The following ETFA variants were observed in gnomAD, a reference collection of about 807,000 sequenced individuals.
ETFA encodes the protein electron transfer flavoprotein subunit alpha, mitochondrial.
A neutral mutation model predicts 46.2 loss-of-function variants in ETFA; 22 were observed. The ratio of observed to expected loss-of-function variants is 0.48; its 90% CI spans 0.34 to 0.68. The LOEUF (loss-of-function observed/expected upper bound fraction) is 0.68. Among genes scored for constraint, ETFA ranks in the 30% least tolerant of loss-of-function variants. The pLI is 0.01. For missense variants in ETFA, 345 were observed against 401.1 expected (o/e 0.86, Z 1.19); for synonymous variants, 131 against 139.9 (o/e 0.94, Z 0.45).
At position 76,286,546 on chromosome 15, in the gene ETFA, T is replaced by G. The variant is rs115921868; in HGVS notation, c.452-65A>C. The G allele has an allele frequency of 4.8e-4, 462 of 956,026 alleles. 4 individuals carry two copies. The African/African-American group carries it at 6.6e-3, about 14-fold the overall frequency. The allele number at this position is 956,026 out of a possible 1,614,324, so 59.2% of individuals were successfully genotyped here. A position where few individuals can be genotyped will look rare whatever the true frequency, so the allele number is the denominator to read the frequency against. On this transcript the variant is annotated intron_variant, in intron 5 of 11. Coordinates refer to ENST00000557943, the MANE Select transcript of ETFA (RefSeq NM_000126.4). ...GGCAACAAAACTAGCACTCCTTTGA[T>G]GCTTGGAATTTACTTCACAGACAAG... is the stretch of plus-strand genomic sequence containing the variant.
intron 11 of ETFA, among the ~76,000 whole-genome samples, chr15:76,222,166 TAA>T (rs912770474): frequency 4.7e-5 from 7 of 150,462 alleles, no homozygotes; most frequent in African/African-American, 1.5e-4. Context: ...TAATGTTATA[TAA>T]AGATATTACC....
intron 9 of ETFA, among the ~76,000 whole-genome samples, chr15:76,273,948 A>C (rs916733745): frequency 4.6e-5 from 7 of 152,222 alleles, no homozygotes; most frequent in Non-Finnish European, 1.0e-4. Context: ...TTGATACTAT[A>C]AGACAAAATA....
intron 5 of ETFA, 30 bp from the exon 6 acceptor site, chr15:76,286,511 A>C: frequency 6.8e-7 from 1 of 1,477,066 alleles, no homozygotes; most frequent in Non-Finnish European, 9.5e-7. Context: ...TCTTAAAAGC[A>C]ACAGCAAAAG....
intron 8 of ETFA, among the ~76,000 whole-genome samples, chr15:76,278,486 T>A (rs1273216875): frequency 1.3e-5 from 2 of 152,196 alleles, no homozygotes; most frequent in African/African-American, 4.8e-5. Flanking sequence ...TTCCGGCTGA[T>A]TAAGCAACCT....
Position 76,259,831 on chromosome 15 carries a change from G to A in ETFA, c.816+14581C>T, listed in dbSNP as rs142007339. ...CCATGAACCGGATCAGGGTAAAGGGGTTCTCCCCAAGCCAGGAGGTGAGCA... is the reference window on the plus strand; with the variant it reads ...CCATGAACCGGATCAGGGTAAAGGGATTCTCCCCAAGCCAGGAGGTGAGCA... On this transcript the variant is annotated intron_variant, in intron 9 of 11. Coordinates refer to ENST00000557943, the MANE Select transcript of ETFA (RefSeq NM_000126.4). The A allele has an allele frequency of 5.1e-6, 8 of 1,560,464 alleles. No homozygotes were observed. The African/African-American group carries it at 9.5e-5, about 19-fold the overall frequency.
At chr15:76,218,429 G>A (rs548866818) in intron 11 of ETFA, among the ~76,000 whole-genome samples, 1 of 151,958 alleles carries the variant, frequency 6.6e-6, no homozygotes, top group Non-Finnish European at 1.5e-5. Context: ...CACCACACCC[G>A]GCTAATTTTT....
chr15:76,280,049 C>T (rs984673998), intron 8 of ETFA, among the ~76,000 whole-genome samples: 1 of 151,714 alleles, frequency 6.6e-6, no homozygotes, highest in African/African-American at 2.4e-5. Context: ...CAGGCTCACA[C>T]CACTGCACCT....
chr15:76,227,530 G>GAAAAAAAAAAA (rs1567196426), intron 10 of ETFA, among the ~76,000 whole-genome samples: 61 of 44,978 alleles, frequency 1.4e-3, no homozygotes, highest in African/African-American at 3.6e-3. Context: ...AAAAAAAAAG[G>GAAAAAAAAAAA]AAAAGCTATC....
chr15:76,221,272 T>C (rs2038953681), intron 11 of ETFA, among the ~76,000 whole-genome samples: 1 of 152,186 alleles, frequency 6.6e-6, no homozygotes, highest in African/African-American at 2.4e-5. Flanking sequence ...CATCCAGGAC[T>C]GGCCAATGTA....
intron 1 of ETFA, among the ~76,000 whole-genome samples, chr15:76,311,026 G>A (rs550524919): frequency 6.6e-6 from 1 of 152,340 alleles, no homozygotes; most frequent in South Asian, 2.1e-4. Flanking sequence ...GGAGGACCTG[G>A]CGGCCCGAAA....
chr15:76,274,130 T>C (rs971776753), intron 9 of ETFA: 4 of 397,100 alleles, frequency 1.0e-5, no homozygotes, highest in African/African-American at 6.1e-5. Flanking sequence ...GTTGATAAAA[T>C]GCTGCTTTTA....
At chr15:76,309,292 T>C (rs1016297983) in intron 1 of ETFA, among the ~76,000 whole-genome samples, 4 of 151,930 alleles carry the variant, frequency 2.6e-5, no homozygotes, top group Non-Finnish European at 5.9e-5. Context: ...CTACTAAAAA[T>C]ACAAAAAAAT....
chr15:76,253,271 T>C lies in ETFA; in HGVS notation c.816+21141A>G, dbSNP rs1017630450. ...ATTGTTCCATAATCTTTCATATTCA[T>C]ATGTAAATTATTGTGAATGACCCAA... On this transcript the variant is annotated intron_variant, in intron 9 of 11. Transcript: ENST00000557943. Among the ~76,000 whole-genome samples the C allele has an allele frequency of 3.3e-5, 5 of 152,352 alleles. 1 individual carries two copies. The South Asian group carries it at 1.0e-3, about 32-fold the overall frequency.
intron 11 of ETFA, among the ~76,000 whole-genome samples, chr15:76,222,421 A>G (rs1747392563): frequency 6.6e-6 from 1 of 152,184 alleles, no homozygotes; most frequent in South Asian, 2.1e-4. Flanking sequence ...AGTAAGGAAT[A>G]TATTCACCAA....
chr15:76,288,874 A>G (rs1005289719), intron 4 of ETFA, among the ~76,000 whole-genome samples: 1 of 151,456 alleles, frequency 6.6e-6, no homozygotes, highest in Non-Finnish European at 1.5e-5. Flanking sequence ...AATCCTTGGG[A>G]AAGTCACAGT....
intron 1 of ETFA, among the ~76,000 whole-genome samples, chr15:76,306,267 C>CTGTTTTTTTTT (rs2039939348): frequency 9.1e-6 from 1 of 109,492 alleles, no homozygotes. Context: ...TTTTTTGCTT[C>CTGTTTTTTTTT]TTTTTTTTTT....
At chr15:76,288,920 C>CCTTTTT in intron 4 of ETFA, among the ~76,000 whole-genome samples, 1 of 110,092 alleles carries the variant, frequency 9.1e-6, no homozygotes, top group East Asian at 2.9e-4. Context: ...TCTTCTTCTT[C>CCTTTTT]TTTTTTTTTT....
chr15:76,284,335 C>T (rs943654474), intron 7 of ETFA: 1 of 160,108 alleles, frequency 6.2e-6, no homozygotes, highest in Non-Finnish European at 1.4e-5. Flanking sequence ...AGTGAATAAA[C>T]AAGTCAGGGC....
chr15:76,235,347 G>C (rs2039112439), intron 9 of ETFA, among the ~76,000 whole-genome samples: 1 of 152,094 alleles, frequency 6.6e-6, no homozygotes, highest in Non-Finnish European at 1.5e-5. Flanking sequence ...AACTCTGAAG[G>C]AGGGCACCAC....
Sources: gnomAD v4.1 joint callset for allele counts (sites outside exome capture counted in the v4.1 genomes callset) on GRCh38, gnomAD v4.1.1 for gene constraint, MANE v1.5 for transcripts, NCBI Gene and HGNC (gene_info 2026-07-23, HGNC 2026-07-21) for gene names.